The following NAPEPLD variants were observed in gnomAD, a reference collection of about 807,000 sequenced individuals.
The protein encoded by NAPEPLD is N-acyl-phosphatidylethanolamine-hydrolyzing phospholipase D.
In NAPEPLD, 23 loss-of-function variants were observed where a neutral mutation model predicts 38.1. The observed-to-expected ratio is 0.60, with a 90% CI of 0.43 to 0.86. The LOEUF is 0.86. NAPEPLD is among the 40% of genes least tolerant of loss of function. The probability of loss-of-function intolerance (pLI) is 0.00; values close to 1 mark genes in which losing one functional copy is unlikely to be tolerated. For synonymous variants in NAPEPLD, 147 were observed against 162.0 expected, an observed-to-expected ratio of 0.91 and a Z score of 0.71; for missense variants, 411 against 476.8, an observed-to-expected ratio of 0.86 and a Z score of 1.28.
chr7:103,115,269 A>C, intron 3 of NAPEPLD, 95 bp from the exon 4 acceptor site: 2 of 832,692 alleles, frequency 2.4e-6, no homozygotes, highest in Non-Finnish European at 3.8e-6. Flanking sequence ...GATTCTGCGC[A>C]GGACTATGGA....
At chr7:103,130,018 G>A (rs550957505) in intron 1 of NAPEPLD, among the ~76,000 whole-genome samples, 8 of 152,222 alleles carry the variant, frequency 5.3e-5, no homozygotes, top group Admixed American at 2.6e-4. Context: ...GATAAGTAAC[G>A]TATCTGCCAT....
chr7:103,104,922 C>T (rs1190043040), intron 4 of NAPEPLD, among the ~76,000 whole-genome samples: 4 of 152,190 alleles, frequency 2.6e-5, no homozygotes, highest in African/African-American at 9.7e-5. Flanking sequence ...TAACAGTACA[C>T]ACTCACAGAA....
chr7:103,145,011 CA>C (rs35080515), intron 1 of NAPEPLD, among the ~76,000 whole-genome samples: 10 of 147,410 alleles, frequency 6.8e-5, no homozygotes, highest in Admixed American at 1.4e-4. Flanking sequence ...ACTCTTGTCT[CA>C]AAAAAAAAAA....
intron 1 of NAPEPLD, among the ~76,000 whole-genome samples, chr7:103,144,531 G>A (rs1390591037): frequency 6.6e-6 from 1 of 152,010 alleles, no homozygotes; most frequent in Non-Finnish European, 1.5e-5. Flanking sequence ...AATACACATG[G>A]TACCTTGAAG....
intron 1 of NAPEPLD, among the ~76,000 whole-genome samples, chr7:103,146,307 C>T (rs1436364747): frequency 6.6e-6 from 1 of 150,542 alleles, no homozygotes; most frequent in Non-Finnish European, 1.5e-5. Context: ...ATTGCCCCAC[C>T]GCACGCTAGC....
intron 2 of NAPEPLD, among the ~76,000 whole-genome samples, chr7:103,122,050 C>T (rs1806806667): frequency 2.0e-5 from 3 of 151,216 alleles, no homozygotes; most frequent in Non-Finnish European, 4.4e-5. Context: ...AAGATGGGAA[C>T]ACATTAAGAG....
At chr7:103,149,614 G>A (rs1000164420), upstream of NAPEPLD, 12 of 639,378 alleles carry the variant, frequency 1.9e-5, no homozygotes, top group Non-Finnish European at 2.2e-5. Context: ...CCGGGGCGCC[G>A]AAGCCATCTT....
chr7:103,148,853 G>A lies in NAPEPLD; in HGVS notation c.-59C>T. 4.1e-6 allele frequency: 4 copies of A among 985,242 alleles called. No homozygotes were observed. The highest frequency in any genetic ancestry group is 4.8e-6 in the Non-Finnish European group (4 of 829,822). 61.0% of individuals were successfully genotyped at this position (985,242 alleles called of 1,614,324 possible). A position where few individuals can be genotyped will look rare whatever the true frequency, so the allele number is the denominator to read the frequency against. The stretch of plus-strand genomic sequence containing the variant: ...AAGATGCAACCTGGTAATTTGCAGG[G>A]AAGATAGGATCTCAAATCCCAGACA... On this transcript the variant is annotated 5_prime_UTR_variant, in exon 1 of 5. Coordinates refer to ENST00000465647, the MANE Select transcript of NAPEPLD (RefSeq NM_001122838.3).
intron 2 of NAPEPLD, chr7:103,126,837 C>T (rs183964399): frequency 7.8e-5 from 11 of 141,764 alleles, no homozygotes; most frequent in Non-Finnish European, 1.5e-4. Context: ...TATGTTGCCC[C>T]GGCTGGTCTC....
At chr7:103,116,207 A>T (rs533845799) in intron 3 of NAPEPLD, among the ~76,000 whole-genome samples, 68 of 152,216 alleles carry the variant, frequency 4.5e-4, no homozygotes, top group Non-Finnish European at 7.6e-4. Context: ...GACTATAGGC[A>T]CGTACCACCT....
rs766041475 is a variant in NAPEPLD at position 103,120,209 on chromosome 7, T to A, written c.309A>T (p.Glu103Asp). The A allele has an allele frequency of 6.2e-6, 10 of 1,612,948 alleles. No homozygotes were observed. In the South Asian group the frequency reaches 7.7e-5, roughly 12 times the overall value. Reference protein sequence around the residue: ...VPSSKEELDKELPVLKPYFIT... With the variant: ...VPSSKEELDKDLPVLKPYFIT... ...TAAAATATGGCTTAAGCACTGGGAG[T>A]TCTTTGTCTAGTTCCTTTGTGTATA... Residue 103 changes from glutamate to aspartate, a missense_variant, in exon 3 of 5, where the codon GAA becomes GAT. Transcript: ENST00000465647.
At chr7:103,122,543 G>A (rs1030311435) in intron 2 of NAPEPLD, among the ~76,000 whole-genome samples, 7 of 152,134 alleles carry the variant, frequency 4.6e-5, no homozygotes, top group Non-Finnish European at 1.0e-4. Flanking sequence ...AGCAGCACAG[G>A]TGGAGGACAA....
chr7:103,141,259 TTTTTTTGCAAGCAGATAAAGGCTTA>T, intron 1 of NAPEPLD: 2 of 265,162 alleles, frequency 7.5e-6, no homozygotes, highest in Non-Finnish European at 7.1e-6. Flanking sequence ...TTTTTTTTTT[TTTTTTTGCAAGCAGATAAAGGCTTA>T]TTTTACTTTA....
At chr7:103,128,370 C>G (rs763255608) in intron 2 of NAPEPLD, 113 bp downstream of exon 2, 4 of 1,258,694 alleles carry the variant, frequency 3.2e-6, no homozygotes, top group Non-Finnish European at 3.3e-6. Context: ...TTACACCTAT[C>G]CACTTTATCT....
chr7:103,147,383 C>T (rs914954834), intron 1 of NAPEPLD, among the ~76,000 whole-genome samples: 1 of 152,134 alleles, frequency 6.6e-6, no homozygotes, highest in African/African-American at 2.4e-5. Flanking sequence ...CCTAAAAAGC[C>T]CAGATCAACA....
intron 1 of NAPEPLD, 51 bp downstream of exon 1, chr7:103,148,760 G>T: frequency 1.0e-6 from 1 of 957,122 alleles, no homozygotes; most frequent in Non-Finnish European, 1.2e-6. Context: ...GTTGCTCGGA[G>T]GAAGTTGTCG....
intron 4 of NAPEPLD, among the ~76,000 whole-genome samples, chr7:103,106,579 C>T (rs1803404759): frequency 6.6e-6 from 1 of 152,096 alleles, no homozygotes; most frequent in African/African-American, 2.4e-5. Context: ...GGGCGTCCGC[C>T]ACTGCTGAAG....
At chr7:103,143,844 C>G (rs1811997558) in intron 1 of NAPEPLD, among the ~76,000 whole-genome samples, 1 of 152,168 alleles carries the variant, frequency 6.6e-6, no homozygotes, top group African/African-American at 2.4e-5. Flanking sequence ...GTAACAAATG[C>G]CCAAAATACA....
chr7:103,139,171 TAAAAA>T (rs1247392092), intron 1 of NAPEPLD, among the ~76,000 whole-genome samples: 3 of 152,178 alleles, frequency 2.0e-5, no homozygotes, highest in Admixed American at 6.5e-5. Context: ...TTTTCAAACT[TAAAAA>T]GATTCCAGAT....
Sources: allele counts gnomAD v4.1 joint callset (sites outside exome capture counted in the v4.1 genomes callset), GRCh38; gene constraint gnomAD v4.1.1; transcripts MANE v1.5; gene names NCBI Gene and HGNC (gene_info 2026-07-23, HGNC 2026-07-21).